Variants in DIAPH2 observed in about 807,000 individuals in gnomAD.
The protein encoded by DIAPH2 is protein diaphanous homolog 2.
Under a neutral mutation model 92.7 loss-of-function variants are expected in DIAPH2, and 35 were observed. The ratio of observed to expected loss-of-function variants is 0.38; its 90% confidence interval spans 0.29 to 0.50. DIAPH2 has a LOEUF of 0.50. Ranked by LOEUF, DIAPH2 falls within the 20% of genes least tolerant of loss-of-function variation. The pLI is 0.94. For missense variants in DIAPH2, 701 were observed against 819.5 expected (o/e 0.86, Z 1.77); for synonymous variants, 301 against 280.4 (o/e 1.07, Z -0.73).
chrX:96,691,272 T>C (rs1253042640), intron 1 of DIAPH2, among the ~76,000 whole-genome samples: 1 of 111,476 alleles, frequency 9.0e-6, no homozygotes, highest in Admixed American at 9.6e-5. Flanking sequence ...TTGGGGTGTT[T>C]GATACATTTT....
rs184365168 is a variant in DIAPH2, at chrX:96,790,404, C to T, written c.447+32146C>T. Among the ~76,000 whole-genome samples, 213 of 111,517 alleles carry T rather than the reference C, an allele frequency of 1.9e-3. 1 individual carries two copies. The highest frequency in any genetic ancestry group is 6.8e-3 in the African/African-American group (208 of 30,745). ...TAATTGCTGAGCTGTTTAGATGAAT[C>T]CCTGATAGCATCTCCATGGTGATTG... On this transcript the variant is annotated intron_variant, in intron 4 of 26. Transcript: ENST00000324765.
At chrX:97,565,384 C>G (rs1046582321) in intron 26 of DIAPH2, among the ~76,000 whole-genome samples, 1 of 112,235 alleles carries the variant, frequency 8.9e-6, no homozygotes, top group South Asian at 3.7e-4. Flanking sequence ...AACAGCAGCT[C>G]TTACTATTGT....
chrX:97,128,243 G>A (rs895964073), intron 21 of DIAPH2, among the ~76,000 whole-genome samples: 5 of 111,409 alleles, frequency 4.5e-5, no homozygotes, highest in African/African-American at 9.8e-5. Flanking sequence ...TTTTTAGACC[G>A]TATAGGATAA....
At chrX:97,495,088 G>A (rs2070749798) in intron 26 of DIAPH2, among the ~76,000 whole-genome samples, 1 of 112,507 alleles carries the variant, frequency 8.9e-6, no homozygotes, top group African/African-American at 3.2e-5. Flanking sequence ...ATTTTCCCCT[G>A]AGAAAGAAAC....
At chrX:97,588,115 C>T (rs1403852415) in intron 26 of DIAPH2, among the ~76,000 whole-genome samples, 1 of 111,979 alleles carries the variant, frequency 8.9e-6, no homozygotes, top group East Asian at 2.8e-4. Context: ...TACTAGATTA[C>T]CTCATTTAGT....
intron 26 of DIAPH2, among the ~76,000 whole-genome samples, chrX:97,566,271 G>A (rs184693544): frequency 1.8e-5 from 2 of 112,016 alleles, no homozygotes; most frequent in East Asian, 5.6e-4. Context: ...CTTTATATTT[G>A]TGAGGATAGG....
intron 22 of DIAPH2, among the ~76,000 whole-genome samples, chrX:97,182,700 T>A (rs185139480): frequency 8.9e-6 from 1 of 111,734 alleles, no homozygotes; most frequent in East Asian, 2.8e-4. Flanking sequence ...ACTTGCTGAA[T>A]AGGGATGCAT....
intron 26 of DIAPH2, among the ~76,000 whole-genome samples, chrX:97,446,121 AGG>A (rs2147790209): frequency 9.0e-6 from 1 of 111,538 alleles, no homozygotes; most frequent in South Asian, 3.8e-4. Flanking sequence ...ATAGTGAGTA[AGG>A]CATCAAGTAG....
intron 25 of DIAPH2, among the ~76,000 whole-genome samples, chrX:97,388,801 G>A (rs765262533): frequency 9.0e-6 from 1 of 111,373 alleles, no homozygotes; most frequent in East Asian, 2.8e-4. Context: ...AATAACAATA[G>A]TAAACCTTTT....
chrX:97,463,026 G>A (rs1337244548), intron 26 of DIAPH2, among the ~76,000 whole-genome samples: 2 of 111,293 alleles, frequency 1.8e-5, no homozygotes, highest in Non-Finnish European at 3.8e-5. Flanking sequence ...TCATTGAACA[G>A]ATACAGAGAG....
chrX:96,704,725 A>C (rs780307537), intron 1 of DIAPH2, among the ~76,000 whole-genome samples: 4 of 111,558 alleles, frequency 3.6e-5, no homozygotes, highest in South Asian at 3.8e-4. Context: ...TAATATGTTT[A>C]GTGCTTAAAG....
At chrX:97,415,829 G>A (rs2069939764) in intron 25 of DIAPH2, among the ~76,000 whole-genome samples, 2 of 110,750 alleles carry the variant, frequency 1.8e-5, no homozygotes, top group African/African-American at 6.6e-5. Flanking sequence ...TCGTGCACAT[G>A]TACCCTAGAA....
intron 23 of DIAPH2, among the ~76,000 whole-genome samples, chrX:97,299,889 A>G (rs2068679303): frequency 8.9e-6 from 1 of 112,152 alleles, no homozygotes; most frequent in Non-Finnish European, 1.9e-5. Flanking sequence ...AAAATCAAAT[A>G]TCAAGACTAA....
At chrX:96,825,353 T>C (rs759729219) in intron 4 of DIAPH2, among the ~76,000 whole-genome samples, 173 of 99,510 alleles carry the variant, frequency 1.7e-3, no homozygotes, top group African/African-American at 5.7e-3. Context: ...ACATGTGTTT[T>C]CTTTTTTTTT....
chrX:96,770,389 T>C (rs2064331286), intron 4 of DIAPH2, among the ~76,000 whole-genome samples: 1 of 111,834 alleles, frequency 8.9e-6, no homozygotes, highest in Non-Finnish European at 1.9e-5. Flanking sequence ...ATTTATAGAA[T>C]AGTATTTGAT....
intron 4 of DIAPH2, among the ~76,000 whole-genome samples, chrX:96,761,515 T>C (rs1465886795): frequency 5.4e-5 from 6 of 111,087 alleles, no homozygotes; most frequent in Non-Finnish European, 1.1e-4. Flanking sequence ...AGATACTCTT[T>C]CAGCTCTTTT....
chrX:97,265,950 G>A lies in DIAPH2; in HGVS notation c.2844+18111G>A, dbSNP rs150631043. 1.5e-4 allele frequency among the ~76,000 whole-genome samples: 17 copies of A among 111,966 alleles called. No homozygotes were observed. The East Asian group carries it at 4.5e-3, about 30-fold the overall frequency. On this transcript the variant is annotated intron_variant, in intron 23 of 26. Coordinates refer to ENST00000324765, the MANE Select transcript of DIAPH2 (RefSeq NM_006729.5). ...TAAATGTTTACTGTTAATTCTCACTGCTCTTTCTCGGTTTCTTGCAAGGCA... is the reference window on the plus strand; with the variant it reads ...TAAATGTTTACTGTTAATTCTCACTACTCTTTCTCGGTTTCTTGCAAGGCA...
intron 22 of DIAPH2, among the ~76,000 whole-genome samples, chrX:97,190,441 T>C (rs1274489996): frequency 8.9e-6 from 1 of 112,672 alleles, no homozygotes; most frequent in Non-Finnish European, 1.9e-5. Context: ...TTAAACTATA[T>C]ATTGTGTAAC....
intron 16 of DIAPH2, among the ~76,000 whole-genome samples, chrX:96,961,000 A>AGTATTTTGTTGAGG (rs1459503763): frequency 9.0e-6 from 1 of 111,428 alleles, no homozygotes; most frequent in Non-Finnish European, 1.9e-5. Context: ...TCAGTTCCCT[A>AGTATTTTGTTGAGG]GTATTTTGTT....
Sources: gnomAD v4.1 joint callset for allele counts (sites outside exome capture counted in the v4.1 genomes callset) on GRCh38, gnomAD v4.1.1 for gene constraint, MANE v1.5 for transcripts, NCBI Gene and HGNC (gene_info 2026-07-23, HGNC 2026-07-21) for gene names.